The following ENTPD6 variants were observed in gnomAD, a reference collection of about 807,000 sequenced individuals.
ENTPD6 encodes ectonucleoside triphosphate diphosphohydrolase 6, also known as CD39 antigen-like 2.
ENTPD6 carries 46 observed loss-of-function variants against 61.5 expected under a neutral mutation model. The observed-to-expected ratio is 0.75, with a 90% CI of 0.59 to 0.96. ENTPD6 has a LOEUF of 0.96. Ranked by LOEUF, ENTPD6 falls within the 40% of genes least tolerant of loss-of-function variation. The pLI is 0.00. For synonymous variants in ENTPD6, 252 were observed against 255.5 expected (o/e 0.99, Z 0.13); for missense variants, 612 against 629.0 (o/e 0.97, Z 0.29).
At chr20:25,196,481 A>G (rs906901016) in intron 1 of ENTPD6, among the ~76,000 whole-genome samples, 1 of 152,118 alleles carries the variant, frequency 6.6e-6, no homozygotes, top group African/African-American at 2.4e-5. Flanking sequence ...GGAAGGAGAG[A>G]TGGGAGGGCC....
chr20:25,218,124 C>T (rs1191552601), intron 9 of ENTPD6, among the ~76,000 whole-genome samples: 1 of 152,238 alleles, frequency 6.6e-6, no homozygotes, highest in African/African-American at 2.4e-5. Flanking sequence ...ACAGTATACG[C>T]ACATTCCTCC....
chr20:25,220,209 A>C (rs6050451), intron 10 of ENTPD6, among the ~76,000 whole-genome samples: 15,677 of 152,266 alleles, frequency 0.1, 2,499 homozygotes, highest in African/African-American at 0.35. Context: ...AAAGAACAGC[A>C]AACAGCAGTC....
At chr20:25,209,142 C>G (rs2091761697) in intron 3 of ENTPD6, among the ~76,000 whole-genome samples, 1 of 149,898 alleles carries the variant, frequency 6.7e-6, no homozygotes, top group Non-Finnish European at 1.5e-5. Flanking sequence ...TGGAGTCTCG[C>G]TCTGTCGCCC....
At chr20:25,222,801 G>A (rs367589261) in intron 11 of ENTPD6, 37 bp from the exon 12 acceptor site, 24 of 1,608,078 alleles carry the variant, frequency 1.5e-5, no homozygotes, top group African/African-American at 6.7e-5. Context: ...CTGGGTGCTC[G>A]GAGCCCACTG....
rs1353369395 is a variant in ENTPD6, at chr20:25,227,263, A to G, written c.*1666A>G. 6.6e-6 allele frequency among the ~76,000 whole-genome samples: 1 copy of G among 152,248 alleles called. No homozygotes were observed. Among genetic ancestry groups the G allele is most frequent in the Non-Finnish European group, 1.5e-5 (1 of 68,052 alleles). ...AAGGACAAAAGACAAAAAGAGGAAC[A>G]GTTTCCTCCCTCCCGCCTGGGCTGG... On this transcript the variant is annotated 3_prime_UTR_variant, in exon 15 of 15. Transcript: ENST00000376652.
At chr20:25,207,447 AGTGTTGGCC>A in intron 3 of ENTPD6, 50 bp downstream of exon 3, 1 of 1,476,484 alleles carries the variant, frequency 6.8e-7, no homozygotes, top group South Asian at 1.4e-5. Flanking sequence ...CCTGTGCTAC[AGTGTTGGCC>A]GGGTCCCCTG....
intron 12 of ENTPD6, 45 bp from the exon 13 acceptor site, chr20:25,224,056 C>A: frequency 6.3e-7 from 1 of 1,590,028 alleles, no homozygotes; most frequent in South Asian, 1.1e-5. Context: ...GTGGCATCGC[C>A]AACCTCACAG....
chr20:25,210,138 C>G (rs1483858476), intron 4 of ENTPD6, among the ~76,000 whole-genome samples: 1 of 152,232 alleles, frequency 6.6e-6, no homozygotes, highest in Non-Finnish European at 1.5e-5. Context: ...CATCCTCTGA[C>G]TCCACCGTGC....
chr20:25,213,243 T>G lies in ENTPD6; in HGVS notation c.454-20T>G, dbSNP rs1249611509. ...ATGCTGCACTTGACAGACCCTGCTT[T>G]GCTCTTACCACGTTCACAGAGCGCT... On this transcript the variant is annotated intron_variant, in intron 4 of 14. Coordinates refer to ENST00000376652, the MANE Select transcript of ENTPD6 (RefSeq NM_001247.5). 1 of 1,614,074 alleles carries G rather than the reference T, an allele frequency of 6.2e-7. No individual in the cohort carries two copies. Among genetic ancestry groups the G allele is most frequent in the Non-Finnish European group, 8.5e-7 (1 of 1,180,006 alleles).
At chr20:25,211,867 G>A (rs1246535343) in intron 4 of ENTPD6, among the ~76,000 whole-genome samples, 1 of 152,100 alleles carries the variant, frequency 6.6e-6, no homozygotes, top group African/African-American at 2.4e-5. Context: ...GGAGTGCAGT[G>A]GCACAATCAC....
chr20:25,195,969 G>A (rs1471761127), intron 1 of ENTPD6, 102 bp downstream of exon 1: 2 of 1,017,500 alleles, frequency 2.0e-6, no homozygotes, highest in Non-Finnish European at 2.5e-6. Flanking sequence ...ACGGCCTCGG[G>A]GTCACTCGCA....
At position 25,195,790 on chromosome 20, in the gene ENTPD6, GC is replaced by G; in HGVS notation, c.-90del. 8.3e-7 allele frequency: 1 copy of G among 1,203,240 alleles called. No individual in the cohort carries two copies. Among genetic ancestry groups the G allele is most frequent in the Non-Finnish European group, 1.0e-6 (1 of 954,472 alleles). The allele number at this position is 1,203,240 out of a possible 1,614,324, so 74.5% of individuals were successfully genotyped here. ...GGGTGGCGCCGGCCGGGGCGGGGGAGCCCAAAAGACCGGCTGCCGCCTGCTC... is the reference window on the plus strand; with the variant it reads ...GGGTGGCGCCGGCCGGGGCGGGGGAGCCAAAAGACCGGCTGCCGCCTGCTC... On this transcript the variant is annotated 5_prime_UTR_variant, in exon 1 of 15. Coordinates refer to ENST00000376652, the MANE Select transcript of ENTPD6 (RefSeq NM_001247.5).
intron 1 of ENTPD6, 113 bp downstream of exon 1, chr20:25,195,980 C>T (rs2090347848): frequency 1.1e-6 from 1 of 945,826 alleles, no homozygotes. Context: ...GTCACTCGCA[C>T]CCCGGGTCCC....
In ENTPD6 at chr20:25,213,348, A is replaced by T. The variant is rs765807404; in HGVS notation, c.539A>T (p.Lys180Met). Residue 180 changes from lysine (K) to methionine (M), a missense_variant, in exon 5 of 15, where the codon AAG becomes ATG. Coordinates refer to ENST00000376652, the MANE Select transcript of ENTPD6 (RefSeq NM_001247.5). ...TGGAAGGCCACCCCTCTGGTCCTCA[A>T]GGCCACAGCTGGCTTACGCCTGTTA... The part of the protein sequence containing the change: ...DFWKATPLVL[K>M]ATAGLRLLPG... The T allele has an allele frequency of 6.2e-7, 1 of 1,614,232 alleles. No individual in the cohort carries two copies. Among genetic ancestry groups the T allele is most frequent in the Non-Finnish European group, 8.5e-7 (1 of 1,180,038 alleles).
chr20:25,209,977 C>A, intron 4 of ENTPD6, 52 bp downstream of exon 4: 1 of 1,476,868 alleles, frequency 6.8e-7, no homozygotes, highest in Non-Finnish European at 9.5e-7. Flanking sequence ...GTGTTCAAGC[C>A]AGTTCTTTTC....
Position 25,225,633 on chromosome 20 carries a change from G to T in ENTPD6, c.*36G>T. 1.3e-6 allele frequency: 2 copies of T among 1,559,982 alleles called. No homozygotes were observed. Among genetic ancestry groups the T allele is most frequent in the Admixed American group, 1.7e-5 (1 of 58,954 alleles). On this transcript the variant is annotated 3_prime_UTR_variant, in exon 15 of 15. Transcript: ENST00000376652. ...ATCCCTGTCCCCGTCAGCAGTGTCT[G>T]TGTGTCTGCATAAACCCTCCTGTCC...
At position 25,215,712 on chromosome 20, in the gene ENTPD6, G is replaced by T. The variant is rs376583699; in HGVS notation, c.709+1G>T. 8.7e-6 allele frequency: 14 copies of T among 1,614,096 alleles called. No homozygotes were observed. The highest frequency in any genetic ancestry group is 1.1e-5 in the Non-Finnish European group (13 of 1,180,034). Reference sequence around the variant, plus strand: ...TGGATCACCATCAACTTCCTGACAGGTGTGTGCACACTGCATCACAGAGGC... The same window carrying T: ...TGGATCACCATCAACTTCCTGACAGTTGTGTGCACACTGCATCACAGAGGC... On this transcript the variant is annotated splice_donor_variant, in intron 7 of 14. Transcript: ENST00000376652. LOFTEE classifies it high-confidence loss of function.
At chr20:25,200,709 T>G (rs974318653) in intron 1 of ENTPD6, among the ~76,000 whole-genome samples, 1 of 152,198 alleles carries the variant, frequency 6.6e-6, no homozygotes, top group Non-Finnish European at 1.5e-5. Context: ...GCTAAAGGTT[T>G]GACAGTTTTG....
intron 1 of ENTPD6, among the ~76,000 whole-genome samples, chr20:25,203,780 G>C (rs1247089778): frequency 6.6e-6 from 1 of 152,166 alleles, no homozygotes; most frequent in Non-Finnish European, 1.5e-5. Context: ...TCCTCTGAAT[G>C]AGCTGTGTTT....
Sources: gnomAD v4.1 joint callset for allele counts (sites outside exome capture counted in the v4.1 genomes callset) on GRCh38, gnomAD v4.1.1 for gene constraint, MANE v1.5 for transcripts, NCBI Gene and HGNC (gene_info 2026-07-23, HGNC 2026-07-21) for gene names.